Variants in SHC2 observed in about 807,000 individuals in gnomAD.
The protein encoded by SHC2 is SHC adaptor protein 2.
A neutral mutation model predicts 60.6 loss-of-function variants in SHC2; 62 were observed. That is an observed-to-expected ratio of 1.02 (90% CI 0.83 to 1.26). The LOEUF is 1.26. Ranked by LOEUF, SHC2 falls within the 50% of genes most tolerant of loss-of-function variation. The pLI is 0.00. For missense variants in SHC2, 873 were observed against 822.2 expected (o/e 1.06, Z -0.76); for synonymous variants, 375 against 372.4 (o/e 1.01, Z -0.08).
intron 1 of SHC2, among the ~76,000 whole-genome samples, chr19:444,576 A>G (rs1469674486): frequency 2.0e-5 from 3 of 152,168 alleles, no homozygotes; most frequent in African/African-American, 7.2e-5. Context: ...ACGAGAGGAA[A>G]TGCAATATCC....
At chr19:443,582 GTGGATGAA>G (rs1974969334) in intron 1 of SHC2, among the ~76,000 whole-genome samples, 1 of 136,538 alleles carries the variant, frequency 7.3e-6, no homozygotes, top group Non-Finnish European at 1.5e-5. Flanking sequence ...GGACGGGTGG[GTGGATGAA>G]TGGATGGATG....
chr19:422,151 C>G lies in SHC2; in HGVS notation c.1615G>C (p.Gly539Arg), dbSNP rs746572666. The G allele has an allele frequency of 1.2e-6, 2 of 1,607,778 alleles. No homozygotes were observed. Among genetic ancestry groups the G allele is most frequent in the South Asian group, 2.2e-5 (2 of 90,152 alleles). ...CCCACCTGTGCACAGCTTACCACGCCCTCGGGGTCCACGAGCAGCAGGTGC... is the reference window on the plus strand; with the variant it reads ...CCCACCTGTGCACAGCTTACCACGCGCTCGGGGTCCACGAGCAGCAGGTGC... ...PKHLLLVDPE[G>R]VVRTKDVLFE... Residue 539 changes from glycine to arginine, a missense_variant, in exon 11 of 13, where the codon GGC (glycine) becomes CGC (arginine). Physicochemically the swap from Gly to Arg is moderately radical, Grantham distance 125. Transcript: ENST00000264554. This position sits in a 1 kb window ranked among gnomAD's most constrained non-coding sequence, Gnocchi z 5.0.
intron 10 of SHC2, among the ~76,000 whole-genome samples, chr19:423,758 G>A (rs149409905): frequency 1.3e-3 from 195 of 152,342 alleles, no homozygotes; most frequent in Non-Finnish European, 2.4e-3. Flanking sequence ...CCCAGCCAGC[G>A]ACTGGTTTGG....
At chr19:447,108 A>C (rs2145741342) in intron 1 of SHC2, among the ~76,000 whole-genome samples, 1 of 152,364 alleles carries the variant, frequency 6.6e-6, no homozygotes, top group African/African-American at 2.4e-5. Flanking sequence ...TGATAAATGC[A>C]GTGGGGTCCA....
chr19:430,943 C>G (rs1180120401), intron 8 of SHC2, among the ~76,000 whole-genome samples, 196 bp from the exon 9 acceptor site: 1 of 152,214 alleles, frequency 6.6e-6, no homozygotes, highest in Non-Finnish European at 1.5e-5. Flanking sequence ...CGTGGCCTTC[C>G]CCGCCTTCTC....
At chr19:451,141 C>G (rs1369711536) in intron 1 of SHC2, among the ~76,000 whole-genome samples, 1 of 148,590 alleles carries the variant, frequency 6.7e-6, no homozygotes, top group African/African-American at 2.5e-5. Flanking sequence ...GTGTGGATGG[C>G]CACGCCATGG....
Position 436,675 on chromosome 19 carries a change from G to A in SHC2, c.729C>T (p.Ala243=). 6.2e-7 allele frequency: 1 copy of A among 1,606,220 alleles called. No homozygotes were observed. Among genetic ancestry groups the A allele is most frequent in the African/African-American group, 1.3e-5 (1 of 75,034 alleles). The change falls in exon 5 of 13, where the codon GCC becomes GCT. Residue 243 remains alanine, a synonymous_variant. Coordinates refer to ENST00000264554, the MANE Select transcript of SHC2 (RefSeq NM_012435.3). ...AGGAGATGGACGGCATGTGGTGGTT[G>A]GCGATGACCTGTGGCGGCAGGAGGC... The part of the protein sequence containing the change: ...LSVPATRQVI[A]NHHMPSISFA...
chr19:418,371 G>A (rs1048706513), intron 12 of SHC2, among the ~76,000 whole-genome samples: 11 of 152,238 alleles, frequency 7.2e-5, no homozygotes, highest in African/African-American at 2.2e-4. Flanking sequence ...TGCCACCCTC[G>A]GGCACATATC....
At position 424,789 on chromosome 19, in the gene SHC2, G is replaced by C. The variant is rs961030659; in HGVS notation, c.1309+308C>G. 6.6e-6 allele frequency among the ~76,000 whole-genome samples: 1 copy of C among 152,112 alleles called. No individual in the cohort carries two copies. The highest frequency in any genetic ancestry group is 2.4e-5 in the African/African-American group (1 of 41,442). On this transcript the variant is annotated intron_variant, in intron 10 of 12. Transcript: ENST00000264554. This position sits in a 1 kb window ranked among gnomAD's most constrained non-coding sequence, Gnocchi z 4.5. ...CAGCAGGGAGGCCCCGGGAGATGGG[G>C]TCCTGTAGGAGGGGCTGGGCCTCAC...
rs757510795 is a variant in SHC2 at position 438,747 on chromosome 19, G to C, written c.691C>G (p.Leu231Val). The change falls in exon 4 of 13, where the codon CTC becomes GTC. Residue 231 changes from leucine to valine, a missense_variant. Transcript: ENST00000264554. The surrounding 1 kb of genome is among the most constrained non-coding windows in gnomAD (Gnocchi z 5.0). The stretch of plus-strand genomic sequence containing the variant: ...CGCGTGGCAGGCACGGAGAGGCTGA[G>C]GCCATCAGTGGAGATGTGGATGGAG... Reference protein sequence around the residue: ...SISIHISTDGLSLSVPATRQV... With the variant: ...SISIHISTDGVSLSVPATRQV... The C allele has an allele frequency of 2.2e-5, 35 of 1,569,200 alleles. No homozygotes were observed. The highest frequency in any genetic ancestry group is 2.4e-5 in the South Asian group (2 of 85,046).
chr19:450,176 A>AG (rs918775400), intron 1 of SHC2, among the ~76,000 whole-genome samples: 9 of 151,706 alleles, frequency 5.9e-5, no homozygotes, highest in Admixed American at 1.3e-4. Context: ...GCGCTACAGG[A>AG]GGGGGGGGAC....
chr19:456,662 G>A (rs1231427836), intron 1 of SHC2, among the ~76,000 whole-genome samples: 2 of 146,416 alleles, frequency 1.4e-5, no homozygotes, highest in South Asian at 2.2e-4. Flanking sequence ...TGACGCACAC[G>A]CACCAGGTCC....
In SHC2 at chr19:424,651, G is replaced by A. The variant is rs189948634; in HGVS notation, c.1309+446C>T. The stretch of plus-strand genomic sequence containing the variant: ...ACTGACCATTCTTTCAAGGAATGAC[G>A]AACCTCCTCCCTTCAGACCGGGGGT... On this transcript the variant is annotated intron_variant, in intron 10 of 12. Transcript: ENST00000264554. This position sits in a 1 kb window ranked among gnomAD's most constrained non-coding sequence, Gnocchi z 4.5. Among the ~76,000 whole-genome samples, 369 of 152,282 alleles carry A rather than the reference G, an allele frequency of 2.4e-3. 1 individual carries two copies. Among genetic ancestry groups the A allele is most frequent in the African/African-American group, 8.6e-3 (357 of 41,542 alleles).
rs891350165 is a variant in SHC2, at chr19:445,068, G to A, written c.469-4136C>T. Among the ~76,000 whole-genome samples the A allele has an allele frequency of 1.6e-4, 24 of 152,246 alleles. No homozygotes were observed. The highest frequency in any genetic ancestry group is 4.6e-4 in the African/African-American group (19 of 41,470). On this transcript the variant is annotated intron_variant, in intron 1 of 12. Transcript: ENST00000264554. The surrounding 1 kb of genome is among the most constrained non-coding windows in gnomAD (Gnocchi z 4.4). ...GCTCACTGCATGTCCCACGCTCCAC[G>A]GCGCCCAGTGCTGCCGGCCATGTGC...
chr19:458,991 A>T, intron 1 of SHC2, among the ~76,000 whole-genome samples: 1 of 151,966 alleles, frequency 6.6e-6, no homozygotes, highest in East Asian at 1.9e-4. Flanking sequence ...TGAGGCCCCC[A>T]CCTCTGCCTG....
At position 460,983 on chromosome 19, in the gene SHC2, G is replaced by T. The variant is rs1975539959; in HGVS notation, c.14C>A (p.Pro5Gln). 1 of 970,358 alleles carries T rather than the reference G, an allele frequency of 1.0e-6. No individual in the cohort carries two copies. Among genetic ancestry groups the T allele is most frequent in the South Asian group, 4.6e-5 (1 of 21,510 alleles). The allele number at this position is 970,358 out of a possible 1,614,324, so 60.1% of individuals were successfully genotyped here. A position where few individuals can be genotyped will look rare whatever the true frequency, so the allele number is the denominator to read the frequency against. Residue 5 changes from proline (P) to glutamine (Q), a missense_variant, in exon 1 of 13, where the codon CCG becomes CAG. Physicochemically the swap from Pro to Gln is moderately conservative, Grantham distance 76. Transcript: ENST00000264554. MTQGPGGRAPPAPPA... is the reference protein window; with the variant it reads MTQGQGGRAPPAPPA... ...GGGCGCCGGGGGCGCGCGCCCGCCC[G>T]GACCCTGCGTCATGGCCGCGGCCGC...
At position 460,853 on chromosome 19, in the gene SHC2, C is replaced by T. The variant is rs896245676; in HGVS notation, c.144G>A (p.Pro48=). ...AGGCCCCAGCCGCCCGCGCCGCCGC[C>T]GGGCCGCGGCCCAGGAAGCCGCCCG... ...AAPGGFLGRG[P]AAARAAGASG... The change falls in exon 1 of 13, where the codon CCG becomes CCA. Residue 48 remains proline (P), a synonymous_variant. Transcript: ENST00000264554. 37 of 985,260 alleles carry T rather than the reference C, an allele frequency of 3.8e-5. No homozygotes were observed. In the South Asian group the frequency reaches 5.4e-4, roughly 14 times the overall value. 61.0% of individuals were successfully genotyped at this position (985,260 alleles called of 1,614,324 possible). A position where few individuals can be genotyped will look rare whatever the true frequency, so the allele number is the denominator to read the frequency against.
At position 436,171 on chromosome 19, in the gene SHC2, G is replaced by C. The variant is rs368534436; in HGVS notation, c.947C>G (p.Pro316Arg). Residue 316 changes from proline (P) to arginine (R), a missense_variant, in exon 7 of 13, where the codon CCA becomes CGA. By Grantham distance (103) the Pro-to-Arg change is moderately radical. Coordinates refer to ENST00000264554, the MANE Select transcript of SHC2 (RefSeq NM_012435.3). ...GGGAGGCAGCTCTGGTTACCTTTCTGGGGGCAGCGCCACCTTGGGCGGGCT... is the reference window on the plus strand; with the variant it reads ...GGGAGGCAGCTCTGGTTACCTTTCTCGGGGCAGCGCCACCTTGGGCGGGCT... ...LHSPPKVALP[P>R]ERLAGPEESA... is the part of the protein sequence containing the mutation. 8.1e-6 allele frequency: 13 copies of C among 1,611,134 alleles called. No homozygotes were observed. Among genetic ancestry groups the C allele is most frequent in the Non-Finnish European group, 1.1e-5 (13 of 1,179,294 alleles).
rs746064369 is a variant in SHC2 at position 434,808 on chromosome 19, A to G, written c.1011T>C (p.Asn337=). ...WGDEEDSLEH[N]YYNSIPGKEP... The stretch of plus-strand genomic sequence containing the variant: ...CCTTCCCCGGGATGCTGTTGTAGTA[A>G]TTGTGCTCCAAAGAGTCCTCCTCGT... Residue 337 remains asparagine (N), a synonymous_variant, in exon 8 of 13, where the codon AAT becomes AAC. Transcript: ENST00000264554. The G allele has an allele frequency of 6.2e-7, 1 of 1,612,862 alleles. No individual in the cohort carries two copies. Among genetic ancestry groups the G allele is most frequent in the Non-Finnish European group, 8.5e-7 (1 of 1,179,794 alleles).
Sources: allele counts gnomAD v4.1 joint callset (sites outside exome capture counted in the v4.1 genomes callset), GRCh38; gene constraint gnomAD v4.1.1; non-coding constraint Gnocchi (gnomAD v3.1); transcripts MANE v1.5; gene names NCBI Gene and HGNC (gene_info 2026-07-23, HGNC 2026-07-21).